Variants in MLANA observed in about 807,000 individuals in gnomAD.
MLANA encodes melan-A.
Under a neutral mutation model 15.7 loss-of-function variants are expected in MLANA, and 21 were observed. That is an observed-to-expected ratio of 1.33 (90% CI 0.95 to 1.92). The LOEUF is 1.92. MLANA is among the 40% of genes most tolerant of loss of function. The probability of loss-of-function intolerance (pLI) is 0.00; values close to 1 mark genes in which losing one functional copy is unlikely to be tolerated. For missense variants in MLANA, 164 were observed against 143.8 expected, an observed-to-expected ratio of 1.14 and a Z score of -0.72; for synonymous variants, 56 against 51.5, an observed-to-expected ratio of 1.09 and a Z score of -0.37.
chr9:5,904,044 G>A (rs1426464749), intron 3 of MLANA, among the ~76,000 whole-genome samples: 3 of 152,070 alleles, frequency 2.0e-5, no homozygotes, highest in Non-Finnish European at 4.4e-5. Context: ...TTTTAGCAGA[G>A]ATGGGGTTTC....
chr9:5,898,743 T>G (rs754475567), intron 3 of MLANA, among the ~76,000 whole-genome samples: 1 of 152,154 alleles, frequency 6.6e-6, no homozygotes, highest in Non-Finnish European at 1.5e-5. Context: ...TTCCTACTTT[T>G]CTTCTTCACC....
chr9:5,897,233 T>C (rs1586928624), intron 2 of MLANA, among the ~76,000 whole-genome samples: 1 of 152,198 alleles, frequency 6.6e-6, no homozygotes, highest in African/African-American at 2.4e-5. Context: ...GAAGAAAAGA[T>C]AATTTAGCCC....
intron 4 of MLANA, among the ~76,000 whole-genome samples, 188 bp from the exon 5 acceptor site, chr9:5,908,452 C>T (rs967918304): frequency 3.9e-5 from 6 of 152,118 alleles, no homozygotes; most frequent in Non-Finnish European, 5.9e-5. Flanking sequence ...TCTACTCTTG[C>T]CCCCAACAAT....
intron 3 of MLANA, 135 bp downstream of exon 3, chr9:5,897,788 T>C: frequency 1.3e-6 from 1 of 774,328 alleles, no homozygotes; most frequent in Non-Finnish European, 2.2e-6. Context: ...TGATGCCTCT[T>C]TTGCTACATT....
intron 3 of MLANA, among the ~76,000 whole-genome samples, chr9:5,900,819 C>T (rs922672786): frequency 6.6e-6 from 1 of 152,182 alleles, no homozygotes; most frequent in Non-Finnish European, 1.5e-5. Flanking sequence ...TTTATATTAA[C>T]CAGTTTTACA....
At chr9:5,897,345 C>G (rs2129920393) in intron 2 of MLANA, among the ~76,000 whole-genome samples, 1 of 152,340 alleles carries the variant, frequency 6.6e-6, no homozygotes, top group East Asian at 1.9e-4. Flanking sequence ...CCTGTGGGCA[C>G]ACACTTGAGA....
Position 5,890,916 on chromosome 9 carries a change from A to G in MLANA, c.-46A>G, listed in dbSNP as rs1043172119. The stretch of plus-strand genomic sequence containing the variant: ...TCATACACGCGGCCAGCCAGCAGAC[A>G]GAGGACTCTCATTAAGGAAGGTAAG... On this transcript the variant is annotated 5_prime_UTR_variant, in exon 1 of 5. Transcript: ENST00000381477. 1 of 152,238 alleles carries G rather than the reference A, an allele frequency of 6.6e-6. No homozygotes were observed. The highest frequency in any genetic ancestry group is 1.5e-5 in the Non-Finnish European group (1 of 68,042). 9.4% of individuals were successfully genotyped at this position (152,238 alleles called of 1,614,324 possible).
chr9:5,901,813 C>G (rs141743731), intron 3 of MLANA, among the ~76,000 whole-genome samples: 2 of 152,174 alleles, frequency 1.3e-5, no homozygotes, highest in African/African-American at 4.8e-5. Flanking sequence ...TGAGCCACCA[C>G]GCCTGGCCTG....
intron 3 of MLANA, among the ~76,000 whole-genome samples, chr9:5,899,789 T>C (rs1231619537): frequency 3.3e-5 from 5 of 152,174 alleles, no homozygotes; most frequent in African/African-American, 1.2e-4. Flanking sequence ...CTCATCTTCA[T>C]ATCTCCAGTG....
chr9:5,897,841 C>T lies in MLANA; in HGVS notation c.174+188C>T, dbSNP rs73395376. 9.7e-3 allele frequency among the ~76,000 whole-genome samples: 1,478 copies of T among 152,350 alleles called. 20 individuals carry two copies. The highest frequency in any genetic ancestry group is 0.034 in the African/African-American group (1,405 of 41,562). On this transcript the variant is annotated intron_variant, in intron 3 of 4. Coordinates refer to ENST00000381477, the MANE Select transcript of MLANA (RefSeq NM_005511.2). The stretch of plus-strand genomic sequence containing the variant: ...CCTTTGCCTCTGCTCAGGCATGAAC[C>T]TCAACCAGGAACTTGCCCTGTGTCT...
chr9:5,901,805 A>T (rs755961901), intron 3 of MLANA, among the ~76,000 whole-genome samples: 7 of 152,224 alleles, frequency 4.6e-5, no homozygotes, highest in Admixed American at 1.3e-4. Flanking sequence ...TACAGGCGTG[A>T]GCCACCACGC....
intron 2 of MLANA, among the ~76,000 whole-genome samples, chr9:5,893,518 T>C (rs59103465): frequency 0.077 from 11,747 of 152,154 alleles, 640 homozygotes; most frequent in South Asian, 0.14. Flanking sequence ...GACCCTGGTA[T>C]AGGATCCTCT....
intron 1 of MLANA, among the ~76,000 whole-genome samples, chr9:5,891,986 T>C (rs1051441907): frequency 2.0e-5 from 3 of 152,224 alleles, no homozygotes; most frequent in African/African-American, 4.8e-5. Context: ...TTATGTATCA[T>C]AGCCTCTGTT....
At position 5,909,344 on chromosome 9, in the gene MLANA, C is replaced by T. The variant is rs1182468786; in HGVS notation, c.*636C>T. ...CGCGATCTTGGCTCACCATAACCTCCGCCTCCCAGGTTCAAGCAATTCTCC... is the reference window on the plus strand; with the variant it reads ...CGCGATCTTGGCTCACCATAACCTCTGCCTCCCAGGTTCAAGCAATTCTCC... On this transcript the variant is annotated 3_prime_UTR_variant, in exon 5 of 5. Transcript: ENST00000381477. 1.1e-4 allele frequency: 17 copies of T among 152,606 alleles called. No homozygotes were observed. The highest frequency in any genetic ancestry group is 2.2e-4 in the Non-Finnish European group (15 of 68,402). The allele number at this position is 152,606 out of a possible 1,614,324, so 9.5% of individuals were successfully genotyped here.
intron 3 of MLANA, among the ~76,000 whole-genome samples, chr9:5,898,590 G>A (rs917521895): frequency 2.6e-5 from 4 of 152,182 alleles, no homozygotes; most frequent in Non-Finnish European, 4.4e-5. Flanking sequence ...GATGTTGTGT[G>A]TAGCTAAGCA....
chr9:5,891,909 T>C (rs915901809), intron 1 of MLANA, among the ~76,000 whole-genome samples: 11 of 152,158 alleles, frequency 7.2e-5, no homozygotes, highest in African/African-American at 2.7e-4. Context: ...TGGAAGATGT[T>C]GTGCTCAGTG....
chr9:5,907,058 T>C (rs1429808743), intron 4 of MLANA, 60 bp downstream of exon 4: 2 of 1,088,964 alleles, frequency 1.8e-6, no homozygotes, highest in African/African-American at 1.6e-5. Flanking sequence ...CTCAAGTGAA[T>C]ACAATTATTT....
chr9:5,897,543 A>C lies in MLANA; in HGVS notation c.78-14A>C, dbSNP rs1483426579. 1 of 1,610,896 alleles carries C rather than the reference A, an allele frequency of 6.2e-7. No individual in the cohort carries two copies. The highest frequency in any genetic ancestry group is 2.2e-5 in the East Asian group (1 of 44,874). Reference sequence around the variant, plus strand: ...TTTCAATGACAAAGTGGATTTGTCTATCTCTTGGGCCAGGGCCGCTGGGAT... The same window carrying C: ...TTTCAATGACAAAGTGGATTTGTCTCTCTCTTGGGCCAGGGCCGCTGGGAT... On this transcript the variant is annotated splice_polypyrimidine_tract_variant and intron_variant, in intron 2 of 4. Coordinates refer to ENST00000381477, the MANE Select transcript of MLANA (RefSeq NM_005511.2).
intron 1 of MLANA, among the ~76,000 whole-genome samples, chr9:5,891,905 ATGT>A (rs757130934): frequency 1.1e-4 from 16 of 152,300 alleles, no homozygotes; most frequent in Non-Finnish European, 2.1e-4. Flanking sequence ...GGGCTGGAAG[ATGT>A]TGTGCTCAGT....
Sources: gnomAD v4.1 joint callset for allele counts (sites outside exome capture counted in the v4.1 genomes callset) on GRCh38, gnomAD v4.1.1 for gene constraint, MANE v1.5 for transcripts, NCBI Gene and HGNC (gene_info 2026-07-23, HGNC 2026-07-21) for gene names.